DCPS: variants seen among roughly 807,000 people sequenced by gnomAD.
The protein encoded by DCPS is decapping enzyme, scavenger, also known as m7GpppX diphosphatase.
In DCPS, 27 loss-of-function variants were observed where a neutral mutation model predicts 34.7. That is an observed-to-expected ratio of 0.78 (90% CI 0.57 to 1.07). The LOEUF is 1.07. DCPS is among the 50% of genes least tolerant of loss of function. The probability of loss-of-function intolerance (pLI) is 0.00; values close to 1 mark genes in which losing one functional copy is unlikely to be tolerated. For synonymous variants in DCPS, 185 were observed against 185.7 expected (o/e 1.00, Z 0.03); for missense variants, 464 against 436.9 (o/e 1.06, Z -0.55).
In DCPS at chr11:126,337,984, T is replaced by C; in HGVS notation, c.523-302T>C. ...CAGACACAGCCTGGGTTTGGAGGCCTCCGCAGAGCATGTGCACTATGCTGA... is the reference window on the plus strand; with the variant it reads ...CAGACACAGCCTGGGTTTGGAGGCCCCCGCAGAGCATGTGCACTATGCTGA... On this transcript the variant is annotated intron_variant, in intron 3 of 5. Transcript: ENST00000263579. The surrounding 1 kb of genome is among the most constrained non-coding windows in gnomAD (Gnocchi z 5.3). 1 of 376,846 alleles carries C rather than the reference T, an allele frequency of 2.7e-6. No homozygotes were observed. Among genetic ancestry groups the C allele is most frequent in the Non-Finnish European group, 5.0e-6 (1 of 200,150 alleles). The allele number at this position is 376,846 out of a possible 1,614,324, so 23.3% of individuals were successfully genotyped here. A position where few individuals can be genotyped will look rare whatever the true frequency, so the allele number is the denominator to read the frequency against.
rs1951915017 is a variant in DCPS, at chr11:126,345,496, T to C, written c.897T>C (p.Ala299=). 2 of 1,614,174 alleles carry C rather than the reference T, an allele frequency of 1.2e-6. No individual in the cohort carries two copies. The highest frequency in any genetic ancestry group is 1.7e-6 in the Non-Finnish European group (2 of 1,180,036). The change falls in exon 6 of 6, where the codon GCT becomes GCC. Residue 299 remains alanine, a synonymous_variant. Coordinates refer to ENST00000263579, the MANE Select transcript of DCPS (RefSeq NM_014026.6). The surrounding 1 kb of genome is among the most constrained non-coding windows in gnomAD (Gnocchi z 7.4). ...GCGTGGAGCGGGCCCACCTGCTGGC[T>C]GAGGTGATCGAGAACTTGGAGTGTG... ...GSGVERAHLL[A]EVIENLECDP...
At position 126,323,470 on chromosome 11, in the gene DCPS, G is replaced by A. The variant is rs1178083523; in HGVS notation, c.377-7935G>A. 6.6e-6 allele frequency among the ~76,000 whole-genome samples: 1 copy of A among 152,104 alleles called. No individual in the cohort carries two copies. The highest frequency in any genetic ancestry group is 1.5e-5 in the Non-Finnish European group (1 of 68,012). ...TAATGGTTAAAAAAATACACATGAT[G>A]CAGAAAGTTCTTTGAACAAGTAAGG... On this transcript the variant is annotated intron_variant, in intron 2 of 5. Coordinates refer to ENST00000263579, the MANE Select transcript of DCPS (RefSeq NM_014026.6). The surrounding 1 kb of genome is among the most constrained non-coding windows in gnomAD (Gnocchi z 4.4).
intron 2 of DCPS, among the ~76,000 whole-genome samples, chr11:126,310,933 C>T (rs1951614574): frequency 1.3e-5 from 2 of 152,246 alleles, no homozygotes; most frequent in African/African-American, 4.8e-5. Flanking sequence ...AGGGGAGCCC[C>T]CACCCCTCAT....
rs891539348 is a variant in DCPS at position 126,347,187 on chromosome 11, C to T, written c.*1574C>T. ...GGAGTTCAGATGAGGCACAATGAAG[C>T]CACTGGCCTCCACTCAGCCATTCTT... On this transcript the variant is annotated 3_prime_UTR_variant, in exon 6 of 6. Coordinates refer to ENST00000263579, the MANE Select transcript of DCPS (RefSeq NM_014026.6). The surrounding 1 kb of genome is among the most constrained non-coding windows in gnomAD (Gnocchi z 4.2). Among the ~76,000 whole-genome samples the T allele has an allele frequency of 6.6e-6, 1 of 150,792 alleles. No homozygotes were observed. The highest frequency in any genetic ancestry group is 2.4e-5 in the African/African-American group (1 of 41,084).
intron 2 of DCPS, among the ~76,000 whole-genome samples, chr11:126,309,722 G>C (rs1311267415): frequency 2.0e-5 from 3 of 152,116 alleles, no homozygotes; most frequent in Admixed American, 6.6e-5. Context: ...TTCAGGGCCC[G>C]GTTGCTCCCT....
rs1951718186 is a variant in DCPS, at chr11:126,322,881, C to G, written c.377-8524C>G. ...TCTCACTTTGTTGCCAGGTTGGAGT[C>G]CAGTGGTACAGTCATAGCTCATGGC... On this transcript the variant is annotated intron_variant, in intron 2 of 5. Coordinates refer to ENST00000263579, the MANE Select transcript of DCPS (RefSeq NM_014026.6). This position sits in a 1 kb window ranked among gnomAD's most constrained non-coding sequence, Gnocchi z 4.2. Among the ~76,000 whole-genome samples, 1 of 152,136 alleles carries G rather than the reference C, an allele frequency of 6.6e-6. No individual in the cohort carries two copies.
rs1042317456 is a variant in DCPS, at chr11:126,328,862, G to T, written c.377-2543G>T. On this transcript the variant is annotated intron_variant, in intron 2 of 5. Transcript: ENST00000263579. This position sits in a 1 kb window ranked among gnomAD's most constrained non-coding sequence, Gnocchi z 6.6. ...CCTGAATCTTTCCTTCTACTGACTC[G>T]TTTAATTCTCCCAACAGCCCTGGAA... 6.6e-6 allele frequency among the ~76,000 whole-genome samples: 1 copy of T among 152,172 alleles called. No homozygotes were observed.
rs1425860507 is a variant in DCPS, at chr11:126,325,483, ATAG to A, written c.377-5918_377-5916del. ...TTCCTTAATGAGAAGTCAGTAAGTA[ATAG>A]TAGAAGTTAAAAGTCAAGTAGGAAC... On this transcript the variant is annotated intron_variant, in intron 2 of 5. Transcript: ENST00000263579. This position sits in a 1 kb window ranked among gnomAD's most constrained non-coding sequence, Gnocchi z 4.3. 6.6e-6 allele frequency among the ~76,000 whole-genome samples: 1 copy of A among 152,192 alleles called. No homozygotes were observed. The highest frequency in any genetic ancestry group is 1.5e-5 in the Non-Finnish European group (1 of 68,030).
intron 2 of DCPS, among the ~76,000 whole-genome samples, chr11:126,324,525 G>A (rs1181681334): frequency 5.3e-5 from 8 of 150,940 alleles, no homozygotes; most frequent in African/African-American, 1.5e-4. Flanking sequence ...CGAGATCTGC[G>A]CTCATCACAA....
chr11:126,314,318 T>A (rs1474807683), intron 2 of DCPS, among the ~76,000 whole-genome samples: 1 of 152,228 alleles, frequency 6.6e-6, no homozygotes, highest in East Asian at 1.9e-4. Context: ...GGTGTATATG[T>A]ACCACATTTC....
chr11:126,345,664 G>A lies in DCPS; in HGVS notation c.*51G>A, dbSNP rs751454173. The A allele has an allele frequency of 7.6e-6, 12 of 1,576,868 alleles. No homozygotes were observed. In the South Asian group the frequency reaches 1.2e-4, roughly 16 times the overall value. ...TGTGTGGGATTGGGGGAGGAGTGGGGACAAGATTTTTTATCTCCAAGTGAA... is the reference window on the plus strand; with the variant it reads ...TGTGTGGGATTGGGGGAGGAGTGGGAACAAGATTTTTTATCTCCAAGTGAA... On this transcript the variant is annotated 3_prime_UTR_variant, in exon 6 of 6. Transcript: ENST00000263579. This position sits in a 1 kb window ranked among gnomAD's most constrained non-coding sequence, Gnocchi z 7.4.
At chr11:126,343,030 A>C (rs1018157341) in intron 4 of DCPS, among the ~76,000 whole-genome samples, 1 of 144,062 alleles carries the variant, frequency 6.9e-6, no homozygotes, top group Non-Finnish European at 1.5e-5. Context: ...AGATTGCGCC[A>C]CTGCACTCCA....
At chr11:126,324,138 T>C (rs1408516493) in intron 2 of DCPS, among the ~76,000 whole-genome samples, 2 of 152,120 alleles carry the variant, frequency 1.3e-5, no homozygotes, top group Non-Finnish European at 2.9e-5. Context: ...AGCCCTAAAG[T>C]TGTATTTCTA....
At chr11:126,340,393 C>G (rs1370386302) in intron 4 of DCPS, among the ~76,000 whole-genome samples, 1 of 151,970 alleles carries the variant, frequency 6.6e-6, no homozygotes. Flanking sequence ...GTGATCTCAG[C>G]TCACTGCAAC....
rs1951806087 is a variant in DCPS at position 126,333,313 on chromosome 11, G to A, written c.522+1763G>A. 6.6e-6 allele frequency among the ~76,000 whole-genome samples: 1 copy of A among 152,170 alleles called. No homozygotes were observed. The highest frequency in any genetic ancestry group is 1.5e-5 in the Non-Finnish European group (1 of 68,018). ...ACTGGCAACACTCATTATGTTTACTGAGTACCTACTATGGACCTGGTCCTA... is the reference window on the plus strand; with the variant it reads ...ACTGGCAACACTCATTATGTTTACTAAGTACCTACTATGGACCTGGTCCTA... On this transcript the variant is annotated intron_variant, in intron 3 of 5. Coordinates refer to ENST00000263579, the MANE Select transcript of DCPS (RefSeq NM_014026.6). This position sits in a 1 kb window ranked among gnomAD's most constrained non-coding sequence, Gnocchi z 5.7.
In DCPS at chr11:126,347,089, A is replaced by G. The variant is rs1249073351; in HGVS notation, c.*1476A>G. Among the ~76,000 whole-genome samples, 1 of 151,736 alleles carries G rather than the reference A, an allele frequency of 6.6e-6. No homozygotes were observed. Among genetic ancestry groups the G allele is most frequent in the Non-Finnish European group, 1.5e-5 (1 of 67,934 alleles). ...GCAAGACTCCCTCTCAGAAAAAAAA[A>G]TTAAAAAAATAGAAACAGCCGGGGA... On this transcript the variant is annotated 3_prime_UTR_variant, in exon 6 of 6. Coordinates refer to ENST00000263579, the MANE Select transcript of DCPS (RefSeq NM_014026.6). This position sits in a 1 kb window ranked among gnomAD's most constrained non-coding sequence, Gnocchi z 4.2.
chr11:126,338,122 C>A lies in DCPS; in HGVS notation c.523-164C>A. On this transcript the variant is annotated intron_variant, in intron 3 of 5. Transcript: ENST00000263579. The surrounding 1 kb of genome is among the most constrained non-coding windows in gnomAD (Gnocchi z 5.4). ...CCTTCTGGACCCCTAAGAACAGATG[C>A]TTGGGGACAGGGCAGCCCGGATGTA... The A allele has an allele frequency of 1.6e-6, 1 of 643,898 alleles. No homozygotes were observed. The highest frequency in any genetic ancestry group is 2.8e-6 in the Non-Finnish European group (1 of 359,436). The allele number at this position is 643,898 out of a possible 1,614,324, so 39.9% of individuals were successfully genotyped here.
Position 126,335,009 on chromosome 11 carries a change from G to A in DCPS, c.523-3277G>A, listed in dbSNP as rs1444118588. Among the ~76,000 whole-genome samples, 1 of 152,206 alleles carries A rather than the reference G, an allele frequency of 6.6e-6. No individual in the cohort carries two copies. Among genetic ancestry groups the A allele is most frequent in the Admixed American group, 6.5e-5 (1 of 15,282 alleles). On this transcript the variant is annotated intron_variant, in intron 3 of 5. Transcript: ENST00000263579. The surrounding 1 kb of genome is among the most constrained non-coding windows in gnomAD (Gnocchi z 4.8). Reference sequence around the variant, plus strand: ...GGGTGTTGTGGAAATTGAGAGAGGTGCCATATATCATGTGCCTGCTATTGT... The same window carrying A: ...GGGTGTTGTGGAAATTGAGAGAGGTACCATATATCATGTGCCTGCTATTGT...
intron 2 of DCPS, among the ~76,000 whole-genome samples, chr11:126,330,328 A>G (rs1951773065): frequency 6.6e-6 from 1 of 152,168 alleles, no homozygotes; most frequent in African/African-American, 2.4e-5. Context: ...CAACAGAATT[A>G]TCCAGGCCAA....
Sources: gnomAD v4.1 joint callset for allele counts (sites outside exome capture counted in the v4.1 genomes callset) on GRCh38, gnomAD v4.1.1 for gene constraint, Gnocchi (gnomAD v3.1) non-coding constraint, MANE v1.5 for transcripts, NCBI Gene and HGNC (gene_info 2026-07-23, HGNC 2026-07-21) for gene names.